SGCZ: variants seen among roughly 807,000 people sequenced by gnomAD.
SGCZ encodes the protein zeta-sarcoglycan.
In SGCZ, 40 loss-of-function variants were observed where a neutral mutation model predicts 41.3. The observed-to-expected ratio is 0.97, with a 90% CI of 0.75 to 1.26. The LOEUF (loss-of-function observed/expected upper bound fraction) is 1.26, where lower values mean the gene tolerates loss of function less well. SGCZ is among the 50% of genes most tolerant of loss of function. The probability of loss-of-function intolerance (pLI) is 0.00; values close to 1 mark genes in which losing one functional copy is unlikely to be tolerated. For synonymous variants in SGCZ, 206 were observed against 137.5 expected (o/e 1.50, Z -3.49); for missense variants, 552 against 369.8 (o/e 1.49, Z -4.04).
chr8:14,172,643 C>G (rs1234285729), intron 4 of SGCZ, among the ~76,000 whole-genome samples: 1 of 152,118 alleles, frequency 6.6e-6, no homozygotes, highest in Non-Finnish European at 1.5e-5. Flanking sequence ...CAAAGAAATA[C>G]AACGTGTACT....
chr8:14,376,787 T>C (rs954724742), intron 2 of SGCZ, among the ~76,000 whole-genome samples: 10 of 152,170 alleles, frequency 6.6e-5, no homozygotes, highest in Non-Finnish European at 1.2e-4. Flanking sequence ...AGATAAAATT[T>C]TAGCTAGCAG....
intron 1 of SGCZ, among the ~76,000 whole-genome samples, chr8:14,628,738 A>G (rs1806545654): frequency 6.6e-6 from 1 of 152,104 alleles, no homozygotes; most frequent in Admixed American, 6.6e-5. Flanking sequence ...TCATAACCTA[A>G]AAATTGAAAA....
chr8:14,324,444 G>A (rs758196886), intron 2 of SGCZ, among the ~76,000 whole-genome samples: 2 of 151,994 alleles, frequency 1.3e-5, no homozygotes, highest in African/African-American at 2.4e-5. Flanking sequence ...GCTCTACCAG[G>A]GACTAGGATT....
intron 4 of SGCZ, among the ~76,000 whole-genome samples, chr8:14,204,222 A>C (rs1328126856): frequency 6.6e-6 from 1 of 151,728 alleles, no homozygotes; most frequent in Non-Finnish European, 1.5e-5. Flanking sequence ...TGTTTGTGTC[A>C]TATCTGTTGC....
chr8:15,093,666 A>T (rs1388555087), intron 1 of SGCZ, among the ~76,000 whole-genome samples: 4 of 152,200 alleles, frequency 2.6e-5, no homozygotes, highest in Non-Finnish European at 5.9e-5. Flanking sequence ...TCAACAGAAC[A>T]CGTTTATTGT....
At chr8:14,723,402 G>T (rs1006207334) in intron 1 of SGCZ, among the ~76,000 whole-genome samples, 2 of 152,138 alleles carry the variant, frequency 1.3e-5, no homozygotes, top group African/African-American at 4.8e-5. Context: ...GATCCTAGCT[G>T]CAGAGGACCC....
intron 3 of SGCZ, among the ~76,000 whole-genome samples, chr8:14,253,936 T>C (rs553553357): frequency 1.2e-5 from 1 of 82,778 alleles, no homozygotes; most frequent in South Asian, 5.6e-4. Flanking sequence ...TCTCACTTGT[T>C]CTGCTTTTCA....
At chr8:14,199,905 T>C (rs912719220) in intron 4 of SGCZ, among the ~76,000 whole-genome samples, 1 of 152,104 alleles carries the variant, frequency 6.6e-6, no homozygotes, top group African/African-American at 2.4e-5. Context: ...GAAGGAAAAA[T>C]AAAATTTGAT....
At chr8:14,422,066 T>A (rs954953787) in intron 2 of SGCZ, among the ~76,000 whole-genome samples, 3 of 152,154 alleles carry the variant, frequency 2.0e-5, no homozygotes, top group Non-Finnish European at 4.4e-5. Context: ...TTCCTTGATA[T>A]CTAAACAAAT....
At chr8:14,903,976 C>G (rs549530042) in intron 1 of SGCZ, among the ~76,000 whole-genome samples, 6 of 151,986 alleles carry the variant, frequency 3.9e-5, no homozygotes, top group African/African-American at 1.4e-4. Flanking sequence ...TATTTCGTAA[C>G]AGGAAATTGT....
intron 1 of SGCZ, among the ~76,000 whole-genome samples, chr8:14,716,437 C>A (rs1809693149): frequency 6.6e-6 from 1 of 152,036 alleles, no homozygotes. Flanking sequence ...AGATATACAT[C>A]TCCCAAAACT....
intron 1 of SGCZ, among the ~76,000 whole-genome samples, chr8:15,188,624 T>TA (rs1800426197): frequency 6.6e-6 from 1 of 152,162 alleles, no homozygotes; most frequent in South Asian, 2.1e-4. Context: ...GTGCTTGTTT[T>TA]AAAAAACGGA....
At chr8:14,188,751 T>A (rs1397263508) in intron 4 of SGCZ, among the ~76,000 whole-genome samples, 1 of 152,128 alleles carries the variant, frequency 6.6e-6, no homozygotes, top group African/African-American at 2.4e-5. Flanking sequence ...TGATTCATCC[T>A]TCAACACATA....
intron 1 of SGCZ, among the ~76,000 whole-genome samples, chr8:15,030,707 T>C (rs1157736905): frequency 1.3e-5 from 2 of 152,126 alleles, no homozygotes; most frequent in African/African-American, 4.8e-5. Flanking sequence ...GAGTTTATGA[T>C]ATGGTTAGGG....
intron 1 of SGCZ, among the ~76,000 whole-genome samples, chr8:14,826,981 T>A (rs947450748): frequency 3.3e-5 from 5 of 152,112 alleles, no homozygotes; most frequent in Non-Finnish European, 7.4e-5. Flanking sequence ...GCCATTGCTT[T>A]TGGTGTTTTA....
At position 14,515,213 on chromosome 8, in the gene SGCZ, C is replaced by T. The variant is rs1802586089; in HGVS notation, c.234+39519G>A. ...TAAAACTGAACTTCTAGGCTACTGA[C>T]ATTAATACATGTATCCAGGGCAACT... On this transcript the variant is annotated intron_variant, in intron 2 of 7. Transcript: ENST00000382080. Among the ~76,000 whole-genome samples, 4 of 152,028 alleles carry T rather than the reference C, an allele frequency of 2.6e-5. No individual in the cohort carries two copies. In the South Asian group the frequency reaches 8.3e-4, roughly 31 times the overall value.
chr8:14,674,929 T>A (rs73525563), intron 1 of SGCZ, among the ~76,000 whole-genome samples: 1 of 15,966 alleles, frequency 6.3e-5, no homozygotes, highest in Non-Finnish European at 1.2e-4. Context: ...TTCTTTTCTG[T>A]TTTTTTTTTT....
intron 1 of SGCZ, among the ~76,000 whole-genome samples, chr8:15,087,730 G>C (rs1378819858): frequency 6.6e-6 from 1 of 152,098 alleles, no homozygotes; most frequent in East Asian, 1.9e-4. Flanking sequence ...AGCTAACCTA[G>C]TATTAACATA....
chr8:14,750,763 G>GTT, intron 1 of SGCZ, among the ~76,000 whole-genome samples: 1 of 152,244 alleles, frequency 6.6e-6, no homozygotes, highest in Non-Finnish European at 1.5e-5. Context: ...AGTTGGCTTC[G>GTT]TTTATTTAAA....
Sources: gnomAD v4.1 joint callset for allele counts (sites outside exome capture counted in the v4.1 genomes callset) on GRCh38, gnomAD v4.1.1 for gene constraint, MANE v1.5 for transcripts, NCBI Gene and HGNC (gene_info 2026-07-23, HGNC 2026-07-21) for gene names.